DCTN6: variants seen among roughly 807,000 people sequenced by gnomAD.
The protein encoded by DCTN6 is dynactin subunit 6.
A neutral mutation model predicts 25.8 loss-of-function variants in DCTN6; 15 were observed. The ratio of observed to expected loss-of-function variants is 0.58; its 90% confidence interval spans 0.39 to 0.89. The LOEUF is 0.89. Among genes scored for constraint, DCTN6 ranks in the 40% least tolerant of loss-of-function variants. The probability of loss-of-function intolerance (pLI) is 0.00; values close to 1 mark genes in which losing one functional copy is unlikely to be tolerated. For missense variants in DCTN6, 198 were observed against 237.6 expected, an observed-to-expected ratio of 0.83 and a Z score of 1.09; for synonymous variants, 64 against 78.3, an observed-to-expected ratio of 0.82 and a Z score of 0.96.
chr8:30,174,799 C>A (rs1205384182), intron 2 of DCTN6, among the ~76,000 whole-genome samples: 2 of 152,184 alleles, frequency 1.3e-5, no homozygotes, highest in Non-Finnish European at 2.9e-5. Context: ...GTGTTGTCAT[C>A]ACCTCTGTTT....
chr8:30,157,040 C>T (rs1803535992), intron 1 of DCTN6, among the ~76,000 whole-genome samples: 1 of 152,192 alleles, frequency 6.6e-6, no homozygotes, highest in Non-Finnish European at 1.5e-5. Flanking sequence ...GTACTTACCA[C>T]CCAAATAGTG....
In DCTN6 at chr8:30,183,387, G is replaced by A. The variant is rs1803935649; in HGVS notation, c.*214G>A. 2 of 358,868 alleles carry A rather than the reference G, an allele frequency of 5.6e-6. No homozygotes were observed. Among genetic ancestry groups the A allele is most frequent in the Non-Finnish European group, 9.9e-6 (2 of 201,020 alleles). 22.2% of individuals were successfully genotyped at this position (358,868 alleles called of 1,614,324 possible). A position where few individuals can be genotyped will look rare whatever the true frequency, so the allele number is the denominator to read the frequency against. ...TTTCCTATATCCTTGGTTCTTTTCTGATAATTTACAGATTTAGCTTTTCTT... is the reference window on the plus strand; with the variant it reads ...TTTCCTATATCCTTGGTTCTTTTCTAATAATTTACAGATTTAGCTTTTCTT... On this transcript the variant is annotated 3_prime_UTR_variant, in exon 7 of 7. Transcript: ENST00000221114.
chr8:30,157,082 C>T (rs1803536427), intron 1 of DCTN6, among the ~76,000 whole-genome samples: 1 of 152,300 alleles, frequency 6.6e-6, no homozygotes, highest in East Asian at 1.9e-4. Flanking sequence ...TTTTTCAGCC[C>T]TCAAACCCCT....
intron 1 of DCTN6, among the ~76,000 whole-genome samples, chr8:30,161,773 A>G (rs1563228142): frequency 6.8e-6 from 1 of 146,946 alleles, no homozygotes. Context: ...TTTGAGACAG[A>G]GTCTCACTCT....
intron 1 of DCTN6, among the ~76,000 whole-genome samples, chr8:30,162,809 G>A (rs930733018): frequency 1.3e-5 from 2 of 152,134 alleles, no homozygotes; most frequent in African/African-American, 4.8e-5. Context: ...ATATATATGA[G>A]AGTAAACAGA....
chr8:30,170,231 G>A (rs1024273229), intron 2 of DCTN6, among the ~76,000 whole-genome samples: 2 of 151,690 alleles, frequency 1.3e-5, no homozygotes, highest in Non-Finnish European at 2.9e-5. Context: ...CCTGAAGTAC[G>A]CTTATGCTAA....
chr8:30,156,522 G>A, intron 1 of DCTN6, 116 bp downstream of exon 1: 2 of 1,275,974 alleles, frequency 1.6e-6, no homozygotes, highest in Non-Finnish European at 2.2e-6. Context: ...TCGGGCCGAA[G>A]GTACCTGAAG....
At chr8:30,176,296 G>A (rs1050073526) in intron 3 of DCTN6, among the ~76,000 whole-genome samples, 1 of 151,808 alleles carries the variant, frequency 6.6e-6, no homozygotes, top group Non-Finnish European at 1.5e-5. Flanking sequence ...TTGGGAGGCC[G>A]AGGCGGGCAG....
intron 2 of DCTN6, among the ~76,000 whole-genome samples, chr8:30,171,976 G>T (rs577866814): frequency 2.6e-5 from 4 of 152,136 alleles, no homozygotes; most frequent in Non-Finnish European, 4.4e-5. Context: ...CTAGACAAGG[G>T]GGGTGGGGCT....
At chr8:30,166,182 T>G (rs1306975880) in intron 2 of DCTN6, among the ~76,000 whole-genome samples, 2 of 152,150 alleles carry the variant, frequency 1.3e-5, no homozygotes, top group Non-Finnish European at 2.9e-5. Flanking sequence ...AGAAGGAAAG[T>G]AAGACTGAAG....
At chr8:30,181,351 G>T (rs974062182) in intron 6 of DCTN6, among the ~76,000 whole-genome samples, 1 of 152,148 alleles carries the variant, frequency 6.6e-6, no homozygotes, top group Non-Finnish European at 1.5e-5. Context: ...TCTATTTATT[G>T]CCATAGCTTC....
At chr8:30,182,157 T>C (rs1361719669) in intron 6 of DCTN6, among the ~76,000 whole-genome samples, 3 of 152,184 alleles carry the variant, frequency 2.0e-5, no homozygotes, top group Non-Finnish European at 4.4e-5. Flanking sequence ...AGCAAGAATA[T>C]CTGAAGCTTT....
At chr8:30,165,872 A>G (rs1318921386) in intron 2 of DCTN6, 1 of 151,762 alleles carries the variant, frequency 6.6e-6, no homozygotes, top group African/African-American at 2.4e-5. Flanking sequence ...AGAAAAAAAA[A>G]AAAAGAAAAA....
At chr8:30,179,590 G>A (rs1031123270) in intron 5 of DCTN6, 135 bp downstream of exon 5, 2 of 639,652 alleles carry the variant, frequency 3.1e-6, no homozygotes, top group African/African-American at 3.7e-5. Flanking sequence ...CGAACTAATT[G>A]TTTGCCACTA....
rs906906543 is a variant in DCTN6, at chr8:30,163,026, G to A, written c.24-1085G>A. Among the ~76,000 whole-genome samples the A allele has an allele frequency of 1.2e-4, 18 of 151,692 alleles. No individual in the cohort carries two copies. In the South Asian group the frequency reaches 1.5e-3, roughly 12 times the overall value. Reference sequence around the variant, plus strand: ...TTTAAGAGATGAGGTCGCCGGGCACGGTGGCTTATGCCTGTAATCTCAGCA... The same window carrying A: ...TTTAAGAGATGAGGTCGCCGGGCACAGTGGCTTATGCCTGTAATCTCAGCA... On this transcript the variant is annotated intron_variant, in intron 1 of 6. Transcript: ENST00000221114.
intron 2 of DCTN6, among the ~76,000 whole-genome samples, chr8:30,164,606 C>T (rs1328828877): frequency 6.6e-6 from 1 of 152,188 alleles, no homozygotes; most frequent in Admixed American, 6.5e-5. Flanking sequence ...ATTACTTAAC[C>T]TCTCTAACCT....
chr8:30,160,628 G>GA (rs928205515), intron 1 of DCTN6, among the ~76,000 whole-genome samples: 7 of 150,112 alleles, frequency 4.7e-5, no homozygotes, highest in South Asian at 2.1e-4. Context: ...TCGAAAATAG[G>GA]AAAAAAAAAT....
At chr8:30,163,297 CA>C (rs1055720758) in intron 1 of DCTN6, among the ~76,000 whole-genome samples, 7 of 146,208 alleles carry the variant, frequency 4.8e-5, no homozygotes, top group Admixed American at 6.8e-5. Flanking sequence ...AACTCTGTCT[CA>C]AAAAAAAAAG....
chr8:30,177,129 C>G lies in DCTN6; in HGVS notation c.198C>G (p.Tyr66Ter). 1 of 1,610,054 alleles carries G rather than the reference C, an allele frequency of 6.2e-7. No homozygotes were observed. Among genetic ancestry groups the G allele is most frequent in the Non-Finnish European group, 8.5e-7 (1 of 1,177,794 alleles). ...IEEQALIINA[Y>*]PDNITPDTED... ...GATTTGTTTCTTCTGTTTACAGTTACCCAGATAATATCACTCCTGACACTG... is the reference window on the plus strand; with the variant it reads ...GATTTGTTTCTTCTGTTTACAGTTAGCCAGATAATATCACTCCTGACACTG... Residue 66 changes from tyrosine (Y) to a stop codon, truncating the protein, a stop_gained, in exon 4 of 7, where the codon TAC becomes TAG. Coordinates refer to ENST00000221114, the MANE Select transcript of DCTN6 (RefSeq NM_006571.4). LOFTEE classifies it high-confidence loss of function.
Sources: allele counts gnomAD v4.1 joint callset (sites outside exome capture counted in the v4.1 genomes callset), GRCh38; gene constraint gnomAD v4.1.1; transcripts MANE v1.5; gene names NCBI Gene and HGNC (gene_info 2026-07-23, HGNC 2026-07-21).